Variants in FBN1 observed in about 807,000 individuals in gnomAD.
FBN1 encodes the protein fibrillin-1.
FBN1 carries 29 observed loss-of-function variants against 365.1 expected under a neutral mutation model. The observed-to-expected ratio is 0.08, with a 90% CI of 0.06 to 0.11. The LOEUF is 0.11. Ranked by LOEUF, FBN1 falls within the 10% of genes least tolerant of loss-of-function variation. FBN1 has a pLI of 1.00. For synonymous variants in FBN1, 1,210 were observed against 1,270.5 expected, an observed-to-expected ratio of 0.95 and a Z score of 1.01; for missense variants, 2,476 against 3,703.2, an observed-to-expected ratio of 0.67 and a Z score of 8.60.
At chr15:48,640,668 C>T (rs1022097048) in intron 2 of FBN1, among the ~76,000 whole-genome samples, 1 of 152,178 alleles carries the variant, frequency 6.6e-6, no homozygotes, top group Non-Finnish European at 1.5e-5. Flanking sequence ...GAATCACACA[C>T]AAGGGGACAA....
intron 6 of FBN1, among the ~76,000 whole-genome samples, chr15:48,589,457 T>G (rs1318680584): frequency 1.3e-5 from 2 of 151,642 alleles, no homozygotes; most frequent in Non-Finnish European, 2.9e-5. Context: ...AAAAAACGAG[T>G]GTGTGTGTCA....
At position 48,476,614 on chromosome 15, in the gene FBN1, T is replaced by C. The variant is rs1355990459; in HGVS notation, c.3965-1964A>G. On this transcript the variant is annotated intron_variant, in intron 32 of 65. Coordinates refer to ENST00000316623, the MANE Select transcript of FBN1 (RefSeq NM_000138.5). ...CTTCTTTCTTTCTTTTCTTTTCTTT[T>C]TTTTTTTTTTTTTTTGATGGAGTTT... 469 of 143,582 alleles carry C rather than the reference T, an allele frequency of 3.3e-3. 1 individual carries two copies. Among genetic ancestry groups the C allele is most frequent in the African/African-American group, 6.5e-3 (231 of 35,546 alleles). The allele number at this position is 143,582 out of a possible 1,614,324, so 8.9% of individuals were successfully genotyped here.
chr15:48,545,946 C>G (rs534281479), intron 6 of FBN1, among the ~76,000 whole-genome samples: 2 of 151,928 alleles, frequency 1.3e-5, no homozygotes, highest in Non-Finnish European at 2.9e-5. Context: ...GATCGCTTGC[C>G]GTAGTGAGCC....
intron 38 of FBN1, 52 bp from the exon 39 acceptor site, chr15:48,465,910 A>G (rs780794189): frequency 1.9e-5 from 24 of 1,239,586 alleles, no homozygotes; most frequent in Non-Finnish European, 2.6e-5. Flanking sequence ...AGTTTTTAGA[A>G]ATAGTATCCT....
chr15:48,562,383 C>T (rs760041626), intron 6 of FBN1, among the ~76,000 whole-genome samples: 7 of 152,042 alleles, frequency 4.6e-5, no homozygotes, highest in Non-Finnish European at 8.8e-5. Flanking sequence ...TTTTTCTTTG[C>T]TTTAATAAAG....
At chr15:48,497,763 C>A (rs186721129) in intron 18 of FBN1, among the ~76,000 whole-genome samples, 6 of 152,184 alleles carry the variant, frequency 3.9e-5, no homozygotes, top group African/African-American at 1.4e-4. Context: ...TTTCTTCCAT[C>A]TACCCTGCAC....
At chr15:48,485,322 C>A (rs2141291169) in intron 30 of FBN1, 52 bp downstream of exon 30, 1 of 1,613,744 alleles carries the variant, frequency 6.2e-7, no homozygotes, top group Admixed American at 1.7e-5. Context: ...CCCTAAACTA[C>A]TTTACTTAGG....
rs73392114 is a variant in FBN1 at position 48,426,087 on chromosome 15, A to G, written c.7205-223T>C. 7.1e-3 allele frequency among the ~76,000 whole-genome samples: 1,076 copies of G among 152,304 alleles called. 16 individuals carry two copies. Among genetic ancestry groups the G allele is most frequent in the African/African-American group, 0.025 (1,051 of 41,570 alleles). On this transcript the variant is annotated intron_variant, in intron 58 of 65. Transcript: ENST00000316623. ...CTACAATTGATAAAATAATTCAGCC[A>G]CAGAAAAACTTTAAAAACAACTGGT...
At chr15:48,488,902 T>C (rs1351203176) in intron 25 of FBN1, among the ~76,000 whole-genome samples, 1 of 152,218 alleles carries the variant, frequency 6.6e-6, no homozygotes. Context: ...GAATGAGATA[T>C]TCACTTAATA....
At chr15:48,569,816 C>G (rs1361182045) in intron 6 of FBN1, among the ~76,000 whole-genome samples, 1 of 152,048 alleles carries the variant, frequency 6.6e-6, no homozygotes, top group Non-Finnish European at 1.5e-5. Flanking sequence ...TTTTTGCCAA[C>G]AGGTGTAAGA....
At position 48,521,254 on chromosome 15, in the gene FBN1, G is replaced by A. The variant is rs138063857; in HGVS notation, c.989-437C>T. On this transcript the variant is annotated intron_variant, in intron 9 of 65. Transcript: ENST00000316623. ...TAAATCTATTTTAAAACAACATTTA[G>A]TCTACATTTCTAAAAGATCTTTCTT... 9.2e-5 allele frequency among the ~76,000 whole-genome samples: 14 copies of A among 152,304 alleles called. No individual in the cohort carries two copies. The East Asian group carries it at 2.7e-3, about 29-fold the overall frequency.
At chr15:48,467,280 A>T (rs2043330834) in intron 38 of FBN1, among the ~76,000 whole-genome samples, 1 of 152,206 alleles carries the variant, frequency 6.6e-6, no homozygotes, top group Non-Finnish European at 1.5e-5. Flanking sequence ...CTAGGTACTC[A>T]ACAAATATTT....
chr15:48,427,929 G>T, intron 57 of FBN1, 156 bp from the exon 58 acceptor site: 1 of 725,862 alleles, frequency 1.4e-6, no homozygotes, highest in Non-Finnish European at 2.5e-6. Flanking sequence ...AGCAGTAAAA[G>T]AGAAAGGATG....
intron 8 of FBN1, chr15:48,529,088 C>T (rs958207936): frequency 1.3e-5 from 2 of 152,236 alleles, no homozygotes; most frequent in Non-Finnish European, 2.9e-5. Flanking sequence ...AGAACGGTCA[C>T]TTTCTCAGTT....
At position 48,487,309 on chromosome 15, in the gene FBN1, T is replaced by C. The variant is rs80344206; in HGVS notation, c.3463+3A>G. ...TAAATGGTGTGAAAGTCTTTCTCCT[T>C]ACCGATACACGCGGAGATGTTGGGG... is the stretch of plus-strand genomic sequence containing the variant. On this transcript the variant is annotated splice_donor_region_variant and intron_variant, in intron 28 of 65. Coordinates refer to ENST00000316623, the MANE Select transcript of FBN1 (RefSeq NM_000138.5). 9.4e-4 allele frequency: 1,511 copies of C among 1,614,146 alleles called. 36 individuals are homozygous for C. In the East Asian group the frequency reaches 0.027, roughly 29 times the overall value.
intron 2 of FBN1, among the ~76,000 whole-genome samples, chr15:48,630,509 G>T (rs190953806): frequency 2.0e-5 from 3 of 152,230 alleles, no homozygotes; most frequent in Admixed American, 6.5e-5. Flanking sequence ...ATAATGTCTG[G>T]ATTAAGTTAG....
intron 3 of FBN1, 94 bp from the exon 4 acceptor site, chr15:48,610,920 G>A (rs1479196720): frequency 3.1e-5 from 31 of 1,010,974 alleles, no homozygotes; most frequent in Non-Finnish European, 4.8e-5. Context: ...GGGTTCTCAG[G>A]TCCCTCACAA....
chr15:48,435,397 C>T (rs1265171532), intron 53 of FBN1, among the ~76,000 whole-genome samples: 1 of 151,504 alleles, frequency 6.6e-6, no homozygotes, highest in Non-Finnish European at 1.5e-5. Flanking sequence ...CACAGTTTGG[C>T]CTTACATTAC....
Position 48,412,555 on chromosome 15 carries a change from A to G in FBN1, c.8226+14T>C, listed in dbSNP as rs2042871733. 6.2e-7 allele frequency: 1 copy of G among 1,613,704 alleles called. No homozygotes were observed. ...ACCACAGGAGACATCAGGAGAAACT[A>G]ACTTCTGACCCACCTCGATATTGGA... On this transcript the variant is annotated intron_variant, in intron 65 of 65. Coordinates refer to ENST00000316623, the MANE Select transcript of FBN1 (RefSeq NM_000138.5).
Sources: allele counts gnomAD v4.1 joint callset (sites outside exome capture counted in the v4.1 genomes callset), GRCh38; gene constraint gnomAD v4.1.1; transcripts MANE v1.5; gene names NCBI Gene and HGNC (gene_info 2026-07-23, HGNC 2026-07-21).